Variants in GPC2 observed in about 807,000 individuals in gnomAD.
GPC2 encodes the protein glypican-2.
GPC2 carries 42 observed loss-of-function variants against 57.3 expected under a neutral mutation model. The observed-to-expected ratio is 0.73, with a 90% CI of 0.57 to 0.95. The LOEUF (loss-of-function observed/expected upper bound fraction) is 0.95, where lower values mean the gene tolerates loss of function less well. GPC2 is among the 40% of genes least tolerant of loss of function. GPC2 has a pLI of 0.00. For synonymous variants in GPC2, 364 were observed against 343.4 expected, an observed-to-expected ratio of 1.06 and a Z score of -0.66; for missense variants, 745 against 793.6, an observed-to-expected ratio of 0.94 and a Z score of 0.74.
At chr7:100,174,098 A>G in intron 4 of GPC2, 101 bp from the exon 5 acceptor site, 2 of 1,109,582 alleles carry the variant, frequency 1.8e-6, no homozygotes, top group Non-Finnish European at 2.5e-6. Context: ...CCCACCCTAC[A>G]CCTAGGGTTG....
At chr7:100,175,976 G>T in intron 2 of GPC2, 82 bp from the exon 3 acceptor site, 1 of 1,163,712 alleles carries the variant, frequency 8.6e-7, no homozygotes. Flanking sequence ...GGCAGGAGGA[G>T]ATGGGAGAGA....
intron 5 of GPC2, among the ~76,000 whole-genome samples, chr7:100,172,618 A>G (rs1799197141): frequency 9.5e-6 from 1 of 105,678 alleles, no homozygotes; most frequent in African/African-American, 3.4e-5. Flanking sequence ...GGCGCCTGCC[A>G]CCATGCCGGC....
chr7:100,175,420 T>G, intron 3 of GPC2, 152 bp downstream of exon 3: 1 of 648,014 alleles, frequency 1.5e-6, no homozygotes, highest in African/African-American at 1.8e-5. Context: ...AAGCTCAGGA[T>G]AGGGATCACC....
At position 100,174,703 on chromosome 7, in the gene GPC2, C is replaced by A. The variant is rs753645787; in HGVS notation, c.711G>T (p.Val237=). ...FVQGLETGRN[V]VSEALKVPVS... is the part of the protein sequence containing the mutation. The stretch of plus-strand genomic sequence containing the variant: ...CTCCAACCTTAAGCGCTTCGCTGAC[C>A]ACATTTCTTCCAGTCTCCAGGCCCT... The change falls in exon 4 of 10, where the codon GTG becomes GTT. Residue 237 remains valine (V), a synonymous_variant. Transcript: ENST00000292377. 6.2e-7 allele frequency: 1 copy of A among 1,613,602 alleles called. No homozygotes were observed. The highest frequency in any genetic ancestry group is 1.3e-5 in the African/African-American group (1 of 74,918).
Position 100,177,147 on chromosome 7 carries a change from G to C in GPC2, c.53C>G (p.Pro18Arg), listed in dbSNP as rs1243653378. Reference protein sequence around the residue: ...LLLLLPLCPGPGPGPGSEAKV... With the variant: ...LLLLLPLCPGRGPGPGSEAKV... ...TGCCTCGCTCCCGGGTCCGGGACCA[G>C]GACCGGGACACAGAGGCAGCAGCAG... The change falls in exon 1 of 10, where the codon CCT becomes CGT. Residue 18 changes from proline to arginine, a missense_variant. Coordinates refer to ENST00000292377, the MANE Select transcript of GPC2 (RefSeq NM_152742.3). The C allele has an allele frequency of 6.2e-7, 1 of 1,613,750 alleles. No individual in the cohort carries two copies. The highest frequency in any genetic ancestry group is 1.3e-5 in the African/African-American group (1 of 74,922).
At chr7:100,175,203 C>T (rs1799246650) in intron 3 of GPC2, among the ~76,000 whole-genome samples, 1 of 152,206 alleles carries the variant, frequency 6.6e-6, no homozygotes, top group African/African-American at 2.4e-5. Flanking sequence ...AAGAAAATGC[C>T]TTTTGCGTAT....
Position 100,171,108 on chromosome 7 carries a change from C to G in GPC2, c.1486+153G>C. ...CCCTCATTGATCTGTTACCCCCAGTCTTTCAGGGCAACGCTCAATAAATGC... is the reference window on the plus strand; with the variant it reads ...CCCTCATTGATCTGTTACCCCCAGTGTTTCAGGGCAACGCTCAATAAATGC... On this transcript the variant is annotated intron_variant, in intron 9 of 9. Transcript: ENST00000292377. The surrounding 1 kb of genome is among the most constrained non-coding windows in gnomAD (Gnocchi z 4.8). The G allele has an allele frequency of 1.5e-6, 1 of 681,204 alleles. No homozygotes were observed. The highest frequency in any genetic ancestry group is 2.3e-6 in the Non-Finnish European group (1 of 435,440). 42.2% of individuals were successfully genotyped at this position (681,204 alleles called of 1,614,324 possible).
chr7:100,174,125 G>T, intron 4 of GPC2, 128 bp from the exon 5 acceptor site: 1 of 763,318 alleles, frequency 1.3e-6, no homozygotes, highest in Non-Finnish European at 2.0e-6. Flanking sequence ...CCACGTGGCA[G>T]CAGGTGAGAT....
Position 100,171,596 on chromosome 7 carries a change from A to G in GPC2, c.1253T>C (p.Met418Thr). The part of the protein sequence containing the change: ...LSLTVCGDSR[M>T]AADASLEAAP... ...CGCCTCCAGCGAGGCGTCCGCTGCCATGCGAGAGTCTCCGCACACCGTCAG... is the reference window on the plus strand; with the variant it reads ...CGCCTCCAGCGAGGCGTCCGCTGCCGTGCGAGAGTCTCCGCACACCGTCAG... Residue 418 changes from methionine to threonine, a missense_variant, in exon 8 of 10, where the codon ATG (methionine) becomes ACG (threonine). Transcript: ENST00000292377. The surrounding 1 kb of genome is among the most constrained non-coding windows in gnomAD (Gnocchi z 4.8). The G allele has an allele frequency of 6.6e-7, 1 of 1,524,796 alleles. No individual in the cohort carries two copies. Among genetic ancestry groups the G allele is most frequent in the South Asian group, 1.2e-5 (1 of 81,950 alleles). 94.5% of individuals were successfully genotyped at this position (1,524,796 alleles called of 1,614,324 possible).
chr7:100,170,149 C>A lies in GPC2; in HGVS notation c.*81G>T. On this transcript the variant is annotated 3_prime_UTR_variant, in exon 10 of 10. Coordinates refer to ENST00000292377, the MANE Select transcript of GPC2 (RefSeq NM_152742.3). ...TCTCTACCCTCTCTGCAGCCCCCTT[C>A]GACTCCTCCCCAGGCCCAGCTGAGG... 1 of 1,419,212 alleles carries A rather than the reference C, an allele frequency of 7.0e-7. No homozygotes were observed. Among genetic ancestry groups the A allele is most frequent in the Non-Finnish European group, 9.4e-7 (1 of 1,061,658 alleles). 87.9% of individuals were successfully genotyped at this position (1,419,212 alleles called of 1,614,324 possible). A position where few individuals can be genotyped will look rare whatever the true frequency, so the allele number is the denominator to read the frequency against.
chr7:100,176,425 C>G, intron 1 of GPC2, 60 bp from the exon 2 acceptor site: 1 of 1,510,514 alleles, frequency 6.6e-7, no homozygotes. Context: ...CCTTCCATTT[C>G]CCGCCTATCT....
chr7:100,172,685 G>GTGTGTGTA (rs1562957573), intron 5 of GPC2, among the ~76,000 whole-genome samples: 5 of 105,028 alleles, frequency 4.8e-5, no homozygotes, highest in African/African-American at 1.5e-4. Context: ...GTGTGTGTGT[G>GTGTGTGTA]TATATATATA....
intron 5 of GPC2, chr7:100,173,433 T>G: frequency 6.7e-6 from 1 of 149,690 alleles, no homozygotes; most frequent in Non-Finnish European, 1.5e-5. Context: ...CCATGCCTGA[T>G]AATTTCTTTC....
At position 100,171,274 on chromosome 7, in the gene GPC2, G is replaced by T. The variant is rs943208160; in HGVS notation, c.1473C>A (p.Asp491Glu). 71 of 1,534,674 alleles carry T rather than the reference G, an allele frequency of 4.6e-5. No homozygotes were observed. Among genetic ancestry groups the T allele is most frequent in the Non-Finnish European group, 6.1e-5 (69 of 1,139,694 alleles). Residue 491 changes from aspartate (D) to glutamate (E), a missense_variant, in exon 9 of 10, where the codon GAC becomes GAA. Asp to Glu is a conservative substitution (Grantham distance 45). This residue lies in a region of GPC2 where 607 missense variants were observed against 603.9 expected (regional missense o/e 1.01). Transcript: ENST00000292377. This position sits in a 1 kb window ranked among gnomAD's most constrained non-coding sequence, Gnocchi z 4.8. ...CAGGGGTCTCACCCGCGTCCTGCCC[G>T]TCCAGGTCGTGTCCCAGTGCGGCCG... is the stretch of plus-strand genomic sequence containing the variant. ...MKTAALGHDL[D>E]GQDADEDASG...
chr7:100,175,954 T>C (rs1232366975), intron 2 of GPC2, 60 bp from the exon 3 acceptor site: 1 of 1,407,316 alleles, frequency 7.1e-7, no homozygotes, highest in Non-Finnish European at 1.0e-6. Flanking sequence ...GGGAGAAAAG[T>C]GAACAGGCAG....
intron 5 of GPC2, chr7:100,173,609 TC>T (rs1234459833): frequency 2.8e-6 from 1 of 354,524 alleles, no homozygotes; most frequent in African/African-American, 2.1e-5. Flanking sequence ...TTTCTTTCTT[TC>T]TTTTTCTTTC....
In GPC2 at chr7:100,171,569, G is replaced by A. The variant is rs368040702; in HGVS notation, c.1280C>T (p.Ala427Val). 7.7e-4 allele frequency: 1,147 copies of A among 1,494,862 alleles called. 1 individual carries two copies. Among genetic ancestry groups the A allele is most frequent in the Non-Finnish European group, 9.6e-4 (1,089 of 1,132,760 alleles). The allele number at this position is 1,494,862 out of a possible 1,614,324, so 92.6% of individuals were successfully genotyped here. A position where few individuals can be genotyped will look rare whatever the true frequency, so the allele number is the denominator to read the frequency against. ...RMAADASLEA[A>V]PCWTGAGRGR... ...CCGCCCGGCTCCGGTCCAGCAGGGC[G>A]CCGCCTCCAGCGAGGCGTCCGCTGC... is the stretch of plus-strand genomic sequence containing the variant. The change falls in exon 8 of 10, where the codon GCG (alanine) becomes GTG (valine). Residue 427 changes from alanine to valine, a missense_variant. By Grantham distance (64) the Ala-to-Val change is moderately conservative. Coordinates refer to ENST00000292377, the MANE Select transcript of GPC2 (RefSeq NM_152742.3). This position sits in a 1 kb window ranked among gnomAD's most constrained non-coding sequence, Gnocchi z 4.8.
chr7:100,170,719 G>C lies in GPC2; in HGVS notation c.1487-236C>G, dbSNP rs1356727753. ...GATCATGATGGGAGACAGTGAGACA[G>C]AGAGAAAAAAAAACAAAACAGGCAG... is the stretch of plus-strand genomic sequence containing the variant. On this transcript the variant is annotated intron_variant, in intron 9 of 9. Coordinates refer to ENST00000292377, the MANE Select transcript of GPC2 (RefSeq NM_152742.3). Among the ~76,000 whole-genome samples, 3 of 151,372 alleles carry C rather than the reference G, an allele frequency of 2.0e-5. No homozygotes were observed. The East Asian group carries it at 5.8e-4, about 29-fold the overall frequency.
intron 9 of GPC2, among the ~76,000 whole-genome samples, 184 bp from the exon 10 acceptor site, chr7:100,170,667 A>AAGGAAGGAGAGAAGGAAGGAG (rs752219966): frequency 6.3e-4 from 95 of 151,986 alleles, no homozygotes; most frequent in Non-Finnish European, 1.1e-3. Context: ...GGAAGGAGAG[A>AAGGAAGGAGAGAAGGAAGGAG]GATCCGACAG....
Sources: allele counts gnomAD v4.1 joint callset (sites outside exome capture counted in the v4.1 genomes callset), GRCh38; gene constraint gnomAD v4.1.1; regional missense constraint gnomAD v4.1.1; non-coding constraint Gnocchi (gnomAD v3.1); transcripts MANE v1.5; gene names NCBI Gene and HGNC (gene_info 2026-07-23, HGNC 2026-07-21).